The following LRCH1 variants were observed in gnomAD, a reference collection of about 807,000 sequenced individuals.
The protein encoded by LRCH1 is leucine rich repeats and calponin homology domain containing 1, also known as leucine-rich repeat and calponin homology domain-containing protein 1.
In LRCH1, 23 loss-of-function variants were observed where a neutral mutation model predicts 94.9. The observed-to-expected ratio is 0.24, with a 90% confidence interval of 0.17 to 0.34. The LOEUF is 0.34. Ranked by LOEUF, LRCH1 falls within the 10% of genes least tolerant of loss-of-function variation. The probability of loss-of-function intolerance (pLI) is 1.00; values close to 1 mark genes in which losing one functional copy is unlikely to be tolerated. For missense variants in LRCH1, 790 were observed against 945.9 expected, an observed-to-expected ratio of 0.84 and a Z score of 2.16; for synonymous variants, 364 against 354.9, an observed-to-expected ratio of 1.03 and a Z score of -0.29.
intron 8 of LRCH1, among the ~76,000 whole-genome samples, chr13:46,694,028 G>A (rs1345796188): frequency 6.6e-6 from 1 of 152,280 alleles, no homozygotes; most frequent in Middle Eastern, 3.4e-3. Flanking sequence ...GGAACCATAT[G>A]TTGTCTAAAA....
chr13:46,605,482 CAGT>C (rs1289028337), intron 1 of LRCH1, among the ~76,000 whole-genome samples: 9 of 152,156 alleles, frequency 5.9e-5, no homozygotes, highest in African/African-American at 2.2e-4. Context: ...CCACACAATA[CAGT>C]ATATGTGCTG....
intron 16 of LRCH1, among the ~76,000 whole-genome samples, chr13:46,720,839 G>A (rs1460355503): frequency 6.6e-6 from 1 of 152,120 alleles, no homozygotes; most frequent in East Asian, 1.9e-4. Flanking sequence ...GATTTATTAT[G>A]AGCCTAAAGA....
chr13:46,723,131 G>T, intron 16 of LRCH1, 90 bp from the exon 17 acceptor site: 2 of 641,858 alleles, frequency 3.1e-6, no homozygotes, highest in Non-Finnish European at 5.3e-6. Flanking sequence ...GAATTATTTT[G>T]GACAAATTAA....
chr13:46,744,636 AAT>A lies in LRCH1; in HGVS notation c.*2789_*2790del, dbSNP rs1873830449. ...AGCCTGCTGCTATTTGTTTGTAAGA[AAT>A]TAAAACTAGCGCGTGGTGAGCTGGG... is the stretch of plus-strand genomic sequence containing the variant. On this transcript the variant is annotated 3_prime_UTR_variant, in exon 20 of 20. Transcript: ENST00000389797. 7.1e-6 allele frequency: 7 copies of A among 985,410 alleles called. No homozygotes were observed. The highest frequency in any genetic ancestry group is 8.4e-6 in the Non-Finnish European group (7 of 829,938). 61.0% of individuals were successfully genotyped at this position (985,410 alleles called of 1,614,324 possible). A position where few individuals can be genotyped will look rare whatever the true frequency, so the allele number is the denominator to read the frequency against.
chr13:46,717,589 T>A (rs145521432), intron 16 of LRCH1: 196 of 152,350 alleles, frequency 1.3e-3, no homozygotes, highest in African/African-American at 4.5e-3. Context: ...TTCATTCTCT[T>A]TGTTCTTAAC....
intron 5 of LRCH1, among the ~76,000 whole-genome samples, chr13:46,687,064 T>G (rs1439731296): frequency 6.8e-6 from 1 of 147,734 alleles, no homozygotes; most frequent in Non-Finnish European, 1.5e-5. Flanking sequence ...GATCAAGTGA[T>G]TCTCCTGCCT....
intron 11 of LRCH1, among the ~76,000 whole-genome samples, chr13:46,703,404 A>G (rs1871589174): frequency 6.6e-6 from 1 of 152,210 alleles, no homozygotes; most frequent in Admixed American, 6.5e-5. Flanking sequence ...TTTTAGGGTT[A>G]TGAGGATTTG....
intron 1 of LRCH1, among the ~76,000 whole-genome samples, chr13:46,613,188 G>C (rs1364660135): frequency 6.6e-6 from 1 of 151,990 alleles, no homozygotes; most frequent in African/African-American, 2.4e-5. Flanking sequence ...TCAGGAGATC[G>C]AGACCATCCT....
chr13:46,635,467 C>CTTTTTT (rs35362550), intron 1 of LRCH1, among the ~76,000 whole-genome samples: 10 of 96,622 alleles, frequency 1.0e-4, no homozygotes, highest in African/African-American at 2.1e-4. Flanking sequence ...CCCCTCCCAC[C>CTTTTTT]TTTTTTTTTT....
intron 1 of LRCH1, among the ~76,000 whole-genome samples, chr13:46,609,839 C>A (rs1343550220): frequency 6.6e-6 from 1 of 152,172 alleles, no homozygotes; most frequent in African/African-American, 2.4e-5. Context: ...AGGCGGGGAC[C>A]AGATGGAGCC....
Position 46,553,620 on chromosome 13 carries a change from G to T in LRCH1, c.224G>T (p.Gly75Val). The T allele has an allele frequency of 6.3e-7, 1 of 1,582,068 alleles. No individual in the cohort carries two copies. The highest frequency in any genetic ancestry group is 8.6e-7 in the Non-Finnish European group (1 of 1,165,064). Residue 75 changes from glycine (G) to valine (V), a missense_variant, in exon 1 of 20, where the codon GGG becomes GTG. By Grantham distance (109) the Gly-to-Val change is moderately radical. Coordinates refer to ENST00000389797, the MANE Select transcript of LRCH1 (RefSeq NM_001164211.2). ...CTTGAGGAGGCGGCCAACTCCGGGG[G>T]GCTGAACCTGAGCGCCAGGAAATTG... ...RALEEAANSGGLNLSARKLKE... is the reference protein window; with the variant it reads ...RALEEAANSGVLNLSARKLKE...
intron 1 of LRCH1, among the ~76,000 whole-genome samples, chr13:46,581,275 C>A (rs2050362104): frequency 6.6e-6 from 1 of 152,178 alleles, no homozygotes; most frequent in African/African-American, 2.4e-5. Flanking sequence ...GCCCCCTAGA[C>A]CTCTGTGTGC....
chr13:46,718,056 G>GT (rs1183252767), intron 16 of LRCH1, among the ~76,000 whole-genome samples: 1 of 152,148 alleles, frequency 6.6e-6, no homozygotes, highest in African/African-American at 2.4e-5. Flanking sequence ...TAACCTGATA[G>GT]TTTAACTTCT....
chr13:46,688,465 A>G (rs1027735569), intron 6 of LRCH1, among the ~76,000 whole-genome samples: 3 of 152,188 alleles, frequency 2.0e-5, no homozygotes, highest in African/African-American at 7.2e-5. Flanking sequence ...CCTGTTTCAA[A>G]TGGAAAAGTT....
At chr13:46,660,649 C>T (rs905128903) in intron 2 of LRCH1, among the ~76,000 whole-genome samples, 3 of 152,170 alleles carry the variant, frequency 2.0e-5, no homozygotes, top group African/African-American at 7.2e-5. Flanking sequence ...TGGTCACATG[C>T]TTTCCTGGTC....
intron 3 of LRCH1, among the ~76,000 whole-genome samples, chr13:46,678,505 G>T (rs1244996233): frequency 2.0e-5 from 3 of 152,138 alleles, no homozygotes; most frequent in Non-Finnish European, 2.9e-5. Context: ...GGAAGTAATT[G>T]ACAACAGTGC....
chr13:46,637,449 C>T (rs997069684), intron 1 of LRCH1, among the ~76,000 whole-genome samples: 1 of 152,210 alleles, frequency 6.6e-6, no homozygotes, highest in Non-Finnish European at 1.5e-5. Flanking sequence ...ACTCCATGAC[C>T]TCATTGGCCT....
intron 1 of LRCH1, among the ~76,000 whole-genome samples, chr13:46,597,827 A>G (rs2050581972): frequency 6.6e-6 from 1 of 152,196 alleles, no homozygotes; most frequent in Non-Finnish European, 1.5e-5. Flanking sequence ...AAAAACAGAA[A>G]CACACATAAA....
At position 46,676,504 on chromosome 13, in the gene LRCH1, G is replaced by C. The variant is rs144022216; in HGVS notation, c.580-5237G>C. On this transcript the variant is annotated intron_variant, in intron 3 of 19. Transcript: ENST00000389797. ...ACATTTACCTAAAGTTACACAGTGAGTCATACAAAATGCACTTCCACAAAA... is the reference window on the plus strand; with the variant it reads ...ACATTTACCTAAAGTTACACAGTGACTCATACAAAATGCACTTCCACAAAA... Among the ~76,000 whole-genome samples the C allele has an allele frequency of 5.7e-3, 863 of 152,240 alleles. 2 individuals carry two copies. The highest frequency in any genetic ancestry group is 9.6e-3 in the Non-Finnish European group (652 of 68,020).
Sources: gnomAD v4.1 joint callset for allele counts (sites outside exome capture counted in the v4.1 genomes callset) on GRCh38, gnomAD v4.1.1 for gene constraint, MANE v1.5 for transcripts, NCBI Gene and HGNC (gene_info 2026-07-23, HGNC 2026-07-21) for gene names.